The following ABCC11 variants were observed in gnomAD, a reference collection of about 807,000 sequenced individuals.
ABCC11 encodes the protein ATP binding cassette subfamily C member 11.
A neutral mutation model predicts 149.3 loss-of-function variants in ABCC11; 135 were observed. The ratio of observed to expected loss-of-function variants is 0.90; its 90% confidence interval spans 0.79 to 1.04. The LOEUF (loss-of-function observed/expected upper bound fraction) is 1.04. ABCC11 is among the 50% of genes least tolerant of loss of function. The pLI is 0.00. For synonymous variants in ABCC11, 665 were observed against 671.4 expected (o/e 0.99, Z 0.15); for missense variants, 1,680 against 1,722.1 (o/e 0.98, Z 0.43).
chr16:48,224,486 C>G, intron 4 of ABCC11, 57 bp from the exon 5 acceptor site: 2 of 1,578,432 alleles, frequency 1.3e-6, no homozygotes, highest in Non-Finnish European at 1.7e-6. Flanking sequence ...ATCCAAACAT[C>G]CTAGTTCTTG....
chr16:48,176,758 A>G (rs1195767077), intron 25 of ABCC11, among the ~76,000 whole-genome samples, 166 bp downstream of exon 25: 2 of 152,188 alleles, frequency 1.3e-5, no homozygotes, highest in African/African-American at 4.8e-5. Context: ...GATCACAGGG[A>G]CCTTGGGTTT....
At chr16:48,226,499 G>A (rs901394698) in intron 4 of ABCC11, among the ~76,000 whole-genome samples, 31 of 152,026 alleles carry the variant, frequency 2.0e-4, no homozygotes, top group African/African-American at 7.5e-4. Flanking sequence ...GGATGGTCTC[G>A]ATCTCCTGAC....
At chr16:48,231,669 A>G (rs1039295542) in intron 2 of ABCC11, among the ~76,000 whole-genome samples, 154 bp downstream of exon 2, 3 of 150,498 alleles carry the variant, frequency 2.0e-5, no homozygotes, top group Non-Finnish European at 4.4e-5. Flanking sequence ...TCAAAAAAAA[A>G]AAAAAAAGAG....
intron 6 of ABCC11, among the ~76,000 whole-genome samples, chr16:48,219,720 C>T (rs1056935414): frequency 5.9e-5 from 9 of 152,112 alleles, no homozygotes; most frequent in African/African-American, 1.9e-4. Context: ...GTGGCTCATG[C>T]CTGTAATCCC....
In ABCC11 at chr16:48,202,123, A is replaced by G. The variant is rs74395811; in HGVS notation, c.1878+1105T>C. Among the ~76,000 whole-genome samples the G allele has an allele frequency of 1.3e-4, 20 of 152,314 alleles. No homozygotes were observed. In the East Asian group the frequency reaches 3.7e-3, roughly 28 times the overall value. On this transcript the variant is annotated intron_variant, in intron 14 of 29. Coordinates refer to ENST00000356608, the MANE Select transcript of ABCC11 (RefSeq NM_001370497.1). The stretch of plus-strand genomic sequence containing the variant: ...CTACTGTGCTCTTACAATAATAGTT[A>G]ACACTTACTCTAGGCCGGGCACTAG...
rs780480301 is a variant in ABCC11, at chr16:48,222,817, T to A, written c.558A>T (p.Pro186=). The part of the protein sequence containing the change: ...ASVLGPILII[P]KILEYSEEQL... ...GCTCTTCTGAATATTCCAGGATCTT[T>A]GGTATAATCAATATCTACAAGGAAA... The change falls in exon 6 of 30, where the codon CCA becomes CCT. Residue 186 remains proline (P), a synonymous_variant. Coordinates refer to ENST00000356608, the MANE Select transcript of ABCC11 (RefSeq NM_001370497.1). The A allele has an allele frequency of 6.2e-7, 1 of 1,613,356 alleles. No individual in the cohort carries two copies. Among genetic ancestry groups the A allele is most frequent in the East Asian group, 2.2e-5 (1 of 44,878 alleles).
chr16:48,200,829 A>T (rs969541607), intron 14 of ABCC11, among the ~76,000 whole-genome samples: 3 of 152,214 alleles, frequency 2.0e-5, no homozygotes, highest in Non-Finnish European at 2.9e-5. Context: ...TTGATAGCAG[A>T]ATAGGATGAC....
At chr16:48,225,169 C>A (rs113761362) in intron 4 of ABCC11, among the ~76,000 whole-genome samples, 2 of 150,168 alleles carry the variant, frequency 1.3e-5, no homozygotes, top group African/African-American at 4.9e-5. Flanking sequence ...GCCGAGATGG[C>A]GCCACTGCAC....
At chr16:48,244,375 GA>G in intron 1 of ABCC11, 1 of 1,524,436 alleles carries the variant, frequency 6.6e-7, no homozygotes. Context: ...CCCCCAGTGC[GA>G]AAGGCTGCCA....
rs138547880 is a variant in ABCC11 at position 48,205,508 on chromosome 16, C to T, written c.1710G>A (p.Val570=). ...EMHLLEGSVG[V]QGSLAYVPQQ... ...GGGGGACATAGGCCAGGCTTCCCTG[C>T]ACCCCCACCGAGCCCTCGAGCAAGT... The change falls in exon 13 of 30, where the codon GTG becomes GTA. Residue 570 remains valine, a synonymous_variant. Transcript: ENST00000356608. The T allele has an allele frequency of 6.2e-7, 1 of 1,614,096 alleles. No homozygotes were observed. Among genetic ancestry groups the T allele is most frequent in the Non-Finnish European group, 8.5e-7 (1 of 1,180,018 alleles).
At chr16:48,175,127 T>C in intron 26 of ABCC11, 131 bp downstream of exon 26, 1 of 1,193,548 alleles carries the variant, frequency 8.4e-7, no homozygotes, top group Non-Finnish European at 1.2e-6. Context: ...CAGGTAGGCA[T>C]GAGTGGCCCA....
chr16:48,195,426 C>CTG (rs1286714480), intron 18 of ABCC11, among the ~76,000 whole-genome samples: 1 of 152,226 alleles, frequency 6.6e-6, no homozygotes, highest in Non-Finnish European at 1.5e-5. Context: ...GGACGGCGTT[C>CTG]TGTGTGCACA....
intron 1 of ABCC11, among the ~76,000 whole-genome samples, chr16:48,234,326 ATTATC>A (rs1300080295): frequency 6.6e-6 from 1 of 152,134 alleles, no homozygotes; most frequent in Non-Finnish European, 1.5e-5. Flanking sequence ...CATTTTGAGT[ATTATC>A]TTTGTTTTTG....
chr16:48,175,490 G>T, intron 25 of ABCC11, 73 bp from the exon 26 acceptor site: 2 of 1,508,202 alleles, frequency 1.3e-6, no homozygotes, highest in Non-Finnish European at 9.0e-7. Context: ...CGCACCTGGC[G>T]ATCACACCTG....
At chr16:48,169,891 T>C (rs937697458) in intron 28 of ABCC11, among the ~76,000 whole-genome samples, 1 of 152,122 alleles carries the variant, frequency 6.6e-6, no homozygotes, top group Non-Finnish European at 1.5e-5. Flanking sequence ...GTTGTGCACA[T>C]GTACCCTAGA....
chr16:48,197,247 C>T (rs1328484691), intron 17 of ABCC11, among the ~76,000 whole-genome samples: 1 of 151,942 alleles, frequency 6.6e-6, no homozygotes, highest in Non-Finnish European at 1.5e-5. Context: ...TCTCTTGAAC[C>T]TGGGAGGCAG....
Position 48,213,481 on chromosome 16 carries a change from C to A in ABCC11, c.1318G>T (p.Gly440Cys). ...ACTGCAGACTTGGAATTCGTGAGACCTTTGACTGCAATAGGCACAAAGAAC... is the reference window on the plus strand; with the variant it reads ...ACTGCAGACTTGGAATTCGTGAGACATTTGACTGCAATAGGCACAAAGAAC... ...SVFFVPIAVK[G>C]LTNSKSAVMR... is the part of the protein sequence containing the mutation. The change falls in exon 10 of 30, where the codon GGT (glycine) becomes TGT (cysteine). Residue 440 changes from glycine (G) to cysteine (C), a missense_variant. By Grantham distance (159) the Gly-to-Cys change is radical. Coordinates refer to ENST00000356608, the MANE Select transcript of ABCC11 (RefSeq NM_001370497.1). The A allele has an allele frequency of 6.2e-7, 1 of 1,612,384 alleles. No homozygotes were observed. The highest frequency in any genetic ancestry group is 8.5e-7 in the Non-Finnish European group (1 of 1,179,182).
intron 20 of ABCC11, 88 bp from the exon 21 acceptor site, chr16:48,187,515 A>C: frequency 1.7e-6 from 2 of 1,150,688 alleles, no homozygotes; most frequent in Non-Finnish European, 2.5e-6. Context: ...CTTGACTCTA[A>C]AGAGCCACGG....
In ABCC11 at chr16:48,176,993, C is replaced by T. The variant is rs141607865; in HGVS notation, c.3469G>A (p.Val1157Met). 2.2e-5 allele frequency: 35 copies of T among 1,614,066 alleles called. No homozygotes were observed. In the African/African-American group the frequency reaches 3.1e-4, roughly 14 times the overall value. Residue 1157 changes from valine to methionine, a missense_variant, in exon 25 of 30, where the codon GTG becomes ATG. Val to Met is a conservative substitution (Grantham distance 21). Transcript: ENST00000356608. ...HMKYRDNTPT[V>M]LHGINLTIRG... Reference sequence around the variant, plus strand: ...ATGGTCAGGTTGATGCCGTGAAGCACGGTGGGTGTGTTGTCTCTGTATTTC... The same window carrying T: ...ATGGTCAGGTTGATGCCGTGAAGCATGGTGGGTGTGTTGTCTCTGTATTTC...
Sources: allele counts gnomAD v4.1 joint callset (sites outside exome capture counted in the v4.1 genomes callset), GRCh38; gene constraint gnomAD v4.1.1; transcripts MANE v1.5; gene names NCBI Gene and HGNC (gene_info 2026-07-23, HGNC 2026-07-21).